Variants in ADAM18 observed in about 807,000 individuals in gnomAD.
ADAM18 encodes the protein disintegrin and metalloproteinase domain-containing protein 18.
ADAM18 carries 117 observed loss-of-function variants against 94.4 expected under a neutral mutation model. The ratio of observed to expected loss-of-function variants is 1.24; its 90% CI spans 1.07 to 1.45. The LOEUF (loss-of-function observed/expected upper bound fraction) is 1.45, where lower values mean the gene tolerates loss of function less well. Among genes scored for constraint, ADAM18 ranks in the 40% most tolerant of loss-of-function variants. ADAM18 has a pLI of 0.00. For synonymous variants in ADAM18, 327 were observed against 291.6 expected (o/e 1.12, Z -1.24); for missense variants, 936 against 880.0 (o/e 1.06, Z -0.81).
intron 10 of ADAM18, among the ~76,000 whole-genome samples, chr8:39,644,835 A>G (rs1370125575): frequency 2.6e-5 from 4 of 152,010 alleles, no homozygotes; most frequent in Admixed American, 2.6e-4. Context: ...GGAGTACTTT[A>G]TTTTCTTAAA....
chr8:39,640,877 T>C (rs577842725), intron 10 of ADAM18, among the ~76,000 whole-genome samples: 4 of 151,906 alleles, frequency 2.6e-5, no homozygotes, highest in East Asian at 3.9e-4. Context: ...GTTTTTTTTT[T>C]CTTGTTAATT....
intron 2 of ADAM18, among the ~76,000 whole-genome samples, chr8:39,595,917 A>C (rs1412438012): frequency 6.6e-6 from 1 of 152,134 alleles, no homozygotes; most frequent in Admixed American, 6.6e-5. Flanking sequence ...TTTCAATTAT[A>C]TTCCCAGGAT....
chr8:39,609,109 CCAT>C lies in ADAM18; in HGVS notation c.257_259del (p.Pro86_Tyr87delinsHis), dbSNP rs1468382912. The C allele has an allele frequency of 3.8e-6, 6 of 1,581,706 alleles. No homozygotes were observed. Among genetic ancestry groups the C allele is most frequent in the Non-Finnish European group, 5.2e-6 (6 of 1,160,440 alleles). On this transcript the variant is annotated inframe_deletion, in exon 4 of 20. Coordinates refer to ENST00000265707, the MANE Select transcript of ADAM18 (RefSeq NM_014237.3). ...AACTGGATCTTTGCATTCTGTGTCT[CCAT>C]ATTTTATGGTAAAGTAAGATACCTT...
intron 10 of ADAM18, among the ~76,000 whole-genome samples, chr8:39,641,314 C>T (rs538061260): frequency 6.6e-6 from 1 of 152,002 alleles, no homozygotes. Flanking sequence ...TGTGTGTGGT[C>T]TTATTTCTGG....
At chr8:39,629,312 C>A (rs1819865926) in intron 6 of ADAM18, 62 bp from the exon 7 acceptor site, 2 of 1,313,428 alleles carry the variant, frequency 1.5e-6, no homozygotes, top group African/African-American at 3.1e-5. Context: ...TACATGTCAT[C>A]TTTTTCTCTT....
intron 12 of ADAM18, among the ~76,000 whole-genome samples, chr8:39,660,350 A>G (rs1290037390): frequency 6.6e-6 from 1 of 152,196 alleles, no homozygotes; most frequent in African/African-American, 2.4e-5. Flanking sequence ...TGCTACATCC[A>G]GGAGCCTAGC....
In ADAM18 at chr8:39,648,543, T is replaced by C. The variant is rs533952131; in HGVS notation, c.1230+16T>C. On this transcript the variant is annotated intron_variant, in intron 12 of 19. Transcript: ENST00000265707. Reference sequence around the variant, plus strand: ...TAATAAAAATGTGAGTAACAAAGATTGAAACTCGAGCACAATTTTTATGTT... The same window carrying C: ...TAATAAAAATGTGAGTAACAAAGATCGAAACTCGAGCACAATTTTTATGTT... 4.4e-6 allele frequency: 7 copies of C among 1,580,718 alleles called. No individual in the cohort carries two copies. Among genetic ancestry groups the C allele is most frequent in the African/African-American group, 1.4e-5 (1 of 73,672 alleles).
At chr8:39,675,704 A>C (rs951816806) in intron 14 of ADAM18, among the ~76,000 whole-genome samples, 4 of 152,030 alleles carry the variant, frequency 2.6e-5, no homozygotes, top group Admixed American at 6.5e-5. Flanking sequence ...GAGAAGAGGC[A>C]CTCTGATTTT....
chr8:39,594,455 C>T (rs1182906241), intron 2 of ADAM18, among the ~76,000 whole-genome samples: 1 of 151,636 alleles, frequency 6.6e-6, no homozygotes, highest in Non-Finnish European at 1.5e-5. Context: ...TTTATTTTTC[C>T]TTTTTTGTTT....
intron 12 of ADAM18, among the ~76,000 whole-genome samples, chr8:39,654,610 G>A (rs1279541086): frequency 6.6e-6 from 1 of 151,806 alleles, no homozygotes; most frequent in Non-Finnish European, 1.5e-5. Context: ...TGTTTGTTGA[G>A]GAAGCTTCAT....
chr8:39,601,824 T>C (rs1054202491), intron 2 of ADAM18, among the ~76,000 whole-genome samples: 3 of 152,248 alleles, frequency 2.0e-5, no homozygotes, highest in Admixed American at 6.5e-5. Flanking sequence ...AATACTAATT[T>C]CCTTGATGGC....
intron 10 of ADAM18, among the ~76,000 whole-genome samples, chr8:39,641,128 T>A (rs1820225396): frequency 6.6e-6 from 1 of 152,040 alleles, no homozygotes; most frequent in African/African-American, 2.4e-5. Context: ...TCTTCCAGGG[T>A]TTTTCAGTTT....
intron 2 of ADAM18, among the ~76,000 whole-genome samples, chr8:39,586,560 C>T (rs1818397969): frequency 6.6e-6 from 1 of 152,044 alleles, no homozygotes; most frequent in African/African-American, 2.4e-5. Flanking sequence ...GGTGAGACCC[C>T]ATCTCTACAA....
At chr8:39,684,844 C>T (rs1821566194) in intron 16 of ADAM18, among the ~76,000 whole-genome samples, 1 of 152,170 alleles carries the variant, frequency 6.6e-6, no homozygotes, top group African/African-American at 2.4e-5. Flanking sequence ...AGTTAAAATT[C>T]AACCCCTGAC....
intron 12 of ADAM18, among the ~76,000 whole-genome samples, chr8:39,655,619 CTTA>C (rs1452877000): frequency 6.6e-6 from 1 of 151,936 alleles, no homozygotes; most frequent in Non-Finnish European, 1.5e-5. Context: ...ATCTTTCACA[CTTA>C]TTATTGAATG....
intron 15 of ADAM18, among the ~76,000 whole-genome samples, chr8:39,678,019 T>C (rs770826070): frequency 6.6e-6 from 1 of 152,168 alleles, no homozygotes; most frequent in East Asian, 1.9e-4. Context: ...CTATAATCCA[T>C]GTAATAAAGG....
chr8:39,727,233 G>A (rs756259949), intron 19 of ADAM18, among the ~76,000 whole-genome samples: 1 of 152,256 alleles, frequency 6.6e-6, no homozygotes, highest in Non-Finnish European at 1.5e-5. Context: ...TTGGATATTA[G>A]CACTTGGCTC....
chr8:39,629,461 C>G, intron 7 of ADAM18, 22 bp downstream of exon 7: 1 of 1,500,010 alleles, frequency 6.7e-7, no homozygotes, highest in Non-Finnish European at 9.1e-7. Context: ...TTCAAGAGGT[C>G]TTTCAAGAAG....
intron 17 of ADAM18, among the ~76,000 whole-genome samples, chr8:39,694,198 G>C (rs774428206): frequency 5.3e-5 from 8 of 150,810 alleles, no homozygotes; most frequent in Non-Finnish European, 1.2e-4. Context: ...AAATTTCAAG[G>C]CTTCACATTT....
Sources: allele counts gnomAD v4.1 joint callset (sites outside exome capture counted in the v4.1 genomes callset), GRCh38; gene constraint gnomAD v4.1.1; transcripts MANE v1.5; gene names NCBI Gene and HGNC (gene_info 2026-07-23, HGNC 2026-07-21).